Variants in FBN2 observed in about 807,000 individuals in gnomAD.
FBN2 encodes the protein fibrillin 2, also known as fibrillin-2.
FBN2 carries 105 observed loss-of-function variants against 355.6 expected under a neutral mutation model. The ratio of observed to expected loss-of-function variants is 0.30; its 90% CI spans 0.25 to 0.35. The LOEUF (loss-of-function observed/expected upper bound fraction) is 0.35. FBN2 is among the 10% of genes least tolerant of loss of function. The pLI is 1.00. For synonymous variants in FBN2, 1,350 were observed against 1,301.2 expected, an observed-to-expected ratio of 1.04 and a Z score of -0.81; for missense variants, 3,280 against 3,758.7, an observed-to-expected ratio of 0.87 and a Z score of 3.33.
intron 5 of FBN2, among the ~76,000 whole-genome samples, chr5:128,491,792 C>A (rs1324911491): frequency 6.6e-6 from 1 of 152,110 alleles, no homozygotes; most frequent in Non-Finnish European, 1.5e-5. Context: ...ATCTTTGGAT[C>A]ATGGGCATTT....
intron 34 of FBN2, among the ~76,000 whole-genome samples, chr5:128,321,341 A>C (rs911362937): frequency 6.6e-6 from 1 of 152,222 alleles, no homozygotes; most frequent in Non-Finnish European, 1.5e-5. Flanking sequence ...CATGTACAGA[A>C]TGTGCAGGTT....
chr5:128,452,985 T>C (rs565061785), intron 6 of FBN2, among the ~76,000 whole-genome samples: 3 of 152,184 alleles, frequency 2.0e-5, no homozygotes, highest in Admixed American at 6.5e-5. Flanking sequence ...TAATATTTTA[T>C]TCCTATGAAA....
intron 28 of FBN2, 124 bp downstream of exon 28, chr5:128,335,864 C>A: frequency 9.8e-7 from 1 of 1,021,136 alleles, no homozygotes; most frequent in Non-Finnish European, 1.5e-6. Context: ...TGAGATCTGC[C>A]CCTAGTCTTA....
At position 128,485,361 on chromosome 5, in the gene FBN2, T is replaced by G. The variant is rs183208551; in HGVS notation, c.629-20440A>C. On this transcript the variant is annotated intron_variant, in intron 5 of 64. Coordinates refer to ENST00000262464, the MANE Select transcript of FBN2 (RefSeq NM_001999.4). ...ATTTAAAAAGATATTCATAGTAGTA[T>G]TTTTTTATTGTGAAAAATGAAAAAT... is the stretch of plus-strand genomic sequence containing the variant. Among the ~76,000 whole-genome samples the G allele has an allele frequency of 5.9e-5, 9 of 152,240 alleles. No individual in the cohort carries two copies. In the South Asian group the frequency reaches 1.7e-3, roughly 28 times the overall value.
chr5:128,395,849 T>C (rs562357879), intron 8 of FBN2, among the ~76,000 whole-genome samples: 5 of 152,312 alleles, frequency 3.3e-5, no homozygotes, highest in African/African-American at 1.2e-4. Context: ...GAGGCTATCA[T>C]GGATGGTCCT....
intron 32 of FBN2, among the ~76,000 whole-genome samples, chr5:128,331,610 T>C (rs1750693098): frequency 6.6e-6 from 1 of 151,986 alleles, no homozygotes; most frequent in African/African-American, 2.4e-5. Flanking sequence ...ACGTGGAGAA[T>C]GGATTGCAGG....
At chr5:128,440,320 T>C (rs1036864680) in intron 7 of FBN2, among the ~76,000 whole-genome samples, 2 of 152,126 alleles carry the variant, frequency 1.3e-5, no homozygotes, top group African/African-American at 4.8e-5. Context: ...GGGTAATATA[T>C]AAAGAAAAAA....
chr5:128,261,830 A>T lies in FBN2; in HGVS notation c.8270T>A (p.Leu2757Gln), dbSNP rs749230709. ...GCACTCGTAGCATGCTTCTGGGGAC[A>T]GAGCATTTTCCTCATCGACCTCTGT... ...LDTEVDEENALSPEACYECKI... is the reference protein window; with the variant it reads ...LDTEVDEENAQSPEACYECKI... Residue 2757 changes from leucine to glutamine, a missense_variant, in exon 64 of 65, where the codon CTG (leucine) becomes CAG (glutamine). Leu to Gln is a moderately radical substitution (Grantham distance 113). This residue lies in a region of FBN2 where 311 missense variants were observed against 319.1 expected (regional missense o/e 0.97). Coordinates refer to ENST00000262464, the MANE Select transcript of FBN2 (RefSeq NM_001999.4). The T allele has an allele frequency of 1.9e-6, 3 of 1,613,912 alleles. No homozygotes were observed. Among genetic ancestry groups the T allele is most frequent in the African/African-American group, 1.3e-5 (1 of 74,938 alleles).
chr5:128,452,716 G>A (rs1171057753), intron 6 of FBN2, among the ~76,000 whole-genome samples: 1 of 151,934 alleles, frequency 6.6e-6, no homozygotes, highest in African/African-American at 2.4e-5. Context: ...TTTTTACATT[G>A]AACTTGCTTT....
chr5:128,537,688 G>C lies in FBN2; in HGVS notation c.-85C>G. 1.5e-6 allele frequency: 2 copies of C among 1,360,496 alleles called. No individual in the cohort carries two copies. The highest frequency in any genetic ancestry group is 2.0e-6 in the Non-Finnish European group (2 of 978,660). The allele number at this position is 1,360,496 out of a possible 1,614,324, so 84.3% of individuals were successfully genotyped here. A position where few individuals can be genotyped will look rare whatever the true frequency, so the allele number is the denominator to read the frequency against. ...TCTGCGCGCCTCAGAAAAGAGTCAG[G>C]GTCTAATAAGCCCTTCGTCGGCTCC... is the stretch of plus-strand genomic sequence containing the variant. On this transcript the variant is annotated 5_prime_UTR_variant, in exon 1 of 65. Transcript: ENST00000262464.
intron 32 of FBN2, among the ~76,000 whole-genome samples, chr5:128,331,632 G>A (rs1750694494): frequency 6.6e-6 from 1 of 152,142 alleles, no homozygotes; most frequent in South Asian, 2.1e-4. Context: ...GGGCCAGAGA[G>A]GGAACAAGCC....
chr5:128,536,732 G>A (rs1381655753), intron 1 of FBN2, among the ~76,000 whole-genome samples: 1 of 152,098 alleles, frequency 6.6e-6, no homozygotes, highest in Non-Finnish European at 1.5e-5. Context: ...TTTTTAAAGG[G>A]CGAAAAGAGG....
At chr5:128,503,990 C>G (rs1392545076) in intron 5 of FBN2, among the ~76,000 whole-genome samples, 1 of 152,150 alleles carries the variant, frequency 6.6e-6, no homozygotes, top group Non-Finnish European at 1.5e-5. Flanking sequence ...GACATAGTGC[C>G]CTGCATCTCA....
intron 5 of FBN2, among the ~76,000 whole-genome samples, chr5:128,465,681 G>A (rs1334478445): frequency 1.3e-5 from 2 of 152,110 alleles, no homozygotes; most frequent in Non-Finnish European, 1.5e-5. Flanking sequence ...TTATATGATC[G>A]CTCCTCTCTA....
At chr5:128,286,505 A>G (rs1749148619) in intron 55 of FBN2, among the ~76,000 whole-genome samples, 1 of 152,246 alleles carries the variant, frequency 6.6e-6, no homozygotes, top group African/African-American at 2.4e-5. Context: ...TGAAAAATCA[A>G]AAGGGCATGT....
rs1750918059 is a variant in FBN2, at chr5:128,338,964, T to G, written c.3441A>C (p.Glu1147Asp). 1 of 1,614,058 alleles carries G rather than the reference T, an allele frequency of 6.2e-7. No individual in the cohort carries two copies. ...SFECECFEGY[E>D]SGFMMMKNCM... ...AGTTCTTCATCATCATGAAGCCACT[T>G]TCATAGCCTTCGAAGCACTCGCACT... Residue 1147 changes from glutamate (E) to aspartate (D), a missense_variant, in exon 26 of 65, where the codon GAA becomes GAC. Glu to Asp is a conservative substitution (Grantham distance 45). This residue lies in a region of FBN2 where 2,284 missense variants were observed against 2,749.5 expected (regional missense o/e 0.83). Coordinates refer to ENST00000262464, the MANE Select transcript of FBN2 (RefSeq NM_001999.4).
intron 11 of FBN2, among the ~76,000 whole-genome samples, chr5:128,386,490 G>A (rs1490930446): frequency 1.3e-5 from 2 of 152,060 alleles, no homozygotes; most frequent in Admixed American, 6.6e-5. Context: ...GCTTAGGATT[G>A]CTTTGGCTAT....
At chr5:128,266,119 G>A (rs1441381234) in intron 62 of FBN2, among the ~76,000 whole-genome samples, 1 of 152,162 alleles carries the variant, frequency 6.6e-6, no homozygotes, top group Non-Finnish European at 1.5e-5. Context: ...CCCAATTTCT[G>A]CCATATGTTT....
At chr5:128,323,216 G>C (rs895307887) in intron 34 of FBN2, among the ~76,000 whole-genome samples, 1 of 152,172 alleles carries the variant, frequency 6.6e-6, no homozygotes, top group Admixed American at 6.5e-5. Flanking sequence ...GATACAATTT[G>C]ACTTCCTCTT....
Sources: gnomAD v4.1 joint callset for allele counts (sites outside exome capture counted in the v4.1 genomes callset) on GRCh38, gnomAD v4.1.1 for gene constraint, gnomAD v4.1.1 regional missense constraint, MANE v1.5 for transcripts, NCBI Gene and HGNC (gene_info 2026-07-23, HGNC 2026-07-21) for gene names.